The following DYNC1H1 variants were observed in gnomAD, a reference collection of about 807,000 sequenced individuals.
DYNC1H1 encodes cytoplasmic dynein 1 heavy chain 1.
In DYNC1H1, 51 loss-of-function variants were observed where a neutral mutation model predicts 527.1. The observed-to-expected ratio is 0.10, with a 90% CI of 0.08 to 0.12. The LOEUF (loss-of-function observed/expected upper bound fraction) is 0.12, where lower values mean the gene tolerates loss of function less well. Ranked by LOEUF, DYNC1H1 falls within the 10% of genes least tolerant of loss-of-function variation. The pLI, the probability that DYNC1H1 is intolerant of heterozygous loss-of-function variation, is 1.00. For missense variants in DYNC1H1, 2,771 were observed against 5,971.8 expected (o/e 0.46, Z 17.66); for synonymous variants, 2,189 against 2,278.8 (o/e 0.96, Z 1.12).
intron 51 of DYNC1H1, 77 bp from the exon 52 acceptor site, chr14:102,032,195 G>C: frequency 1.3e-6 from 2 of 1,580,332 alleles, no homozygotes; most frequent in Non-Finnish European, 1.7e-6. Context: ...GCTCCTGGCT[G>C]TTTTGGTTCA....
chr14:102,049,875 A>G lies in DYNC1H1; in HGVS notation c.13677A>G (p.Gly4559=). ...QGATLDACSF[G]VTGLKLQGAT... is the part of the protein sequence containing the mutation. Reference sequence around the variant, plus strand: ...CCACCCTTGACGCTTGCAGCTTCGGAGTCACGGGTGAGTGGAGTCTCACAG... The same window carrying G: ...CCACCCTTGACGCTTGCAGCTTCGGGGTCACGGGTGAGTGGAGTCTCACAG... Residue 4559 remains glycine (G), a synonymous_variant, in exon 76 of 78, where the codon GGA becomes GGG. Transcript: ENST00000360184. The surrounding 1 kb of genome is among the most constrained non-coding windows in gnomAD (Gnocchi z 5.5). 6.2e-7 allele frequency: 1 copy of G among 1,612,366 alleles called. No homozygotes were observed. The highest frequency in any genetic ancestry group is 8.5e-7 in the Non-Finnish European group (1 of 1,179,794).
chr14:102,006,220 T>A, intron 27 of DYNC1H1, 50 bp downstream of exon 27: 1 of 1,603,658 alleles, frequency 6.2e-7, no homozygotes, highest in Non-Finnish European at 8.5e-7. Flanking sequence ...TTAAAATGTT[T>A]AAAGATAAAG....
In DYNC1H1 at chr14:102,029,866, G is replaced by A. The variant is rs776290891; in HGVS notation, c.9690G>A (p.Glu3230=). Residue 3230 remains glutamate, a synonymous_variant, in exon 50 of 78, where the codon GAG becomes GAA. Transcript: ENST00000360184. The surrounding 1 kb of genome is among the most constrained non-coding windows in gnomAD (Gnocchi z 5.3). ...RDLRIKSQEL[E]VKNAAANDKL... is the part of the protein sequence containing the mutation. The stretch of plus-strand genomic sequence containing the variant: ...TGAGGATAAAGAGCCAAGAGCTGGA[G>A]GTGAAGAATGCAGCAGCCAATGACA... 1.9e-6 allele frequency: 3 copies of A among 1,614,176 alleles called. No homozygotes were observed. Among genetic ancestry groups the A allele is most frequent in the South Asian group, 2.2e-5 (2 of 91,084 alleles).
Position 101,980,424 on chromosome 14 carries a change from C to T in DYNC1H1, c.835C>T (p.Leu279=). ...TGCCTTACAGGAAATTAGTTTTTGG[C>T]TAAACTTGGAACGTGCGTTATACCG... ...GTALQEISFW[L]NLERALYRIQ... Residue 279 remains leucine, a synonymous_variant, in exon 5 of 78, where the codon CTA becomes TTA. Coordinates refer to ENST00000360184, the MANE Select transcript of DYNC1H1 (RefSeq NM_001376.5). 1 of 1,614,202 alleles carries T rather than the reference C, an allele frequency of 6.2e-7. No individual in the cohort carries two copies. The highest frequency in any genetic ancestry group is 1.3e-5 in the African/African-American group (1 of 75,054).
Position 102,018,391 on chromosome 14 carries a change from C to T in DYNC1H1, c.8178-60C>T. 6.3e-7 allele frequency: 1 copy of T among 1,594,560 alleles called. No homozygotes were observed. Among genetic ancestry groups the T allele is most frequent in the Non-Finnish European group, 8.5e-7 (1 of 1,174,238 alleles). ...TGGACAGGGCGACTCCACTGGCACACTGCCCCTTCCTGGGAGGCGCTGTCA... is the reference window on the plus strand; with the variant it reads ...TGGACAGGGCGACTCCACTGGCACATTGCCCCTTCCTGGGAGGCGCTGTCA... On this transcript the variant is annotated intron_variant, in intron 40 of 77. Coordinates refer to ENST00000360184, the MANE Select transcript of DYNC1H1 (RefSeq NM_001376.5). The surrounding 1 kb of genome is among the most constrained non-coding windows in gnomAD (Gnocchi z 5.2).
chr14:102,008,526 G>A (rs578074253), intron 29 of DYNC1H1, among the ~76,000 whole-genome samples, 189 bp downstream of exon 29: 2 of 152,252 alleles, frequency 1.3e-5, no homozygotes, highest in East Asian at 1.9e-4. Context: ...AGTGGCTCAC[G>A]TGTGTAATCC....
At position 102,016,138 on chromosome 14, in the gene DYNC1H1, G is replaced by A. The variant is rs1406666194; in HGVS notation, c.7473+52G>A. The A allele has an allele frequency of 6.4e-7, 1 of 1,557,550 alleles. No individual in the cohort carries two copies. Among genetic ancestry groups the A allele is most frequent in the Non-Finnish European group, 8.7e-7 (1 of 1,150,280 alleles). On this transcript the variant is annotated intron_variant, in intron 36 of 77. Coordinates refer to ENST00000360184, the MANE Select transcript of DYNC1H1 (RefSeq NM_001376.5). This position sits in a 1 kb window ranked among gnomAD's most constrained non-coding sequence, Gnocchi z 7.3. ...AGCTCACCACTGCGCCAGACCACAG[G>A]TCTGAGGACCTCTGAAATGCTGCAC...
intron 72 of DYNC1H1, among the ~76,000 whole-genome samples, chr14:102,045,721 T>C (rs1397014916): frequency 1.3e-5 from 2 of 152,260 alleles, no homozygotes; most frequent in African/African-American, 4.8e-5. Context: ...TTTTTAGCAG[T>C]CTTTGTTTCC....
At chr14:102,040,754 C>CAA (rs1156761707) in intron 64 of DYNC1H1, 81 bp downstream of exon 64, 4 of 1,517,168 alleles carry the variant, frequency 2.6e-6, no homozygotes, top group Non-Finnish European at 3.7e-6. Context: ...TCAAAAAACA[C>CAA]AAAGTTACTA....
intron 43 of DYNC1H1, among the ~76,000 whole-genome samples, chr14:102,025,179 G>C (rs17541283): frequency 0.038 from 5,825 of 151,818 alleles, 383 homozygotes; most frequent in African/African-American, 0.13. Context: ...CGCCGAGGCA[G>C]GTGGATCACG....
In DYNC1H1 at chr14:101,986,736, A is replaced by G. The variant is rs17512054; in HGVS notation, c.2511A>G (p.Ala837=). 17,986 of 1,614,230 alleles carry G rather than the reference A, an allele frequency of 0.011. 156 individuals carry two copies. Among genetic ancestry groups the G allele is most frequent in the South Asian group, 0.029 (2,619 of 91,088 alleles). Reference sequence around the variant, plus strand: ...TTGACCCATATGTACAGCGCTTAGCAGAGACTGTCTTCAACTTCCAAGAAA... The same window carrying G: ...TTGACCCATATGTACAGCGCTTAGCGGAGACTGTCTTCAACTTCCAAGAAA... ...YKLDPYVQRL[A]ETVFNFQEKV... Residue 837 remains alanine, a synonymous_variant, in exon 8 of 78, where the codon GCA becomes GCG. Transcript: ENST00000360184. The surrounding 1 kb of genome is among the most constrained non-coding windows in gnomAD (Gnocchi z 8.7).
At chr14:101,974,552 G>A (rs2047778383) in intron 1 of DYNC1H1, among the ~76,000 whole-genome samples, 1 of 152,160 alleles carries the variant, frequency 6.6e-6, no homozygotes, top group Non-Finnish European at 1.5e-5. Flanking sequence ...GCATTGCATG[G>A]ATTAGTACTA....
intron 1 of DYNC1H1, among the ~76,000 whole-genome samples, chr14:101,968,994 G>C (rs2047698423): frequency 6.6e-6 from 1 of 152,012 alleles, no homozygotes. Flanking sequence ...TGTACTATTG[G>C]CTTCTGCAAG....
In DYNC1H1 at chr14:102,011,075, C is replaced by T; in HGVS notation, c.6618+123C>T. 9.4e-7 allele frequency: 1 copy of T among 1,062,536 alleles called. No homozygotes were observed. Among genetic ancestry groups the T allele is most frequent in the South Asian group, 1.3e-5 (1 of 76,776 alleles). The allele number at this position is 1,062,536 out of a possible 1,614,324, so 65.8% of individuals were successfully genotyped here. ...AAAGGCTGTGGAGGTGCATAATATG[C>T]TTTATGAAGATTTGCCCAAGGCCTA... On this transcript the variant is annotated intron_variant, in intron 32 of 77. Coordinates refer to ENST00000360184, the MANE Select transcript of DYNC1H1 (RefSeq NM_001376.5). This position sits in a 1 kb window ranked among gnomAD's most constrained non-coding sequence, Gnocchi z 5.3.
In DYNC1H1 at chr14:102,010,710, G is replaced by T. The variant is rs374299392; in HGVS notation, c.6406-30G>T. 6.2e-7 allele frequency: 1 copy of T among 1,611,236 alleles called. No homozygotes were observed. Among genetic ancestry groups the T allele is most frequent in the Non-Finnish European group, 8.5e-7 (1 of 1,179,188 alleles). ...GCGGGCAGTACTTGAGCCATGCTGC[G>T]CTGCTCACAGCCCAGCCCTCTCCCC... is the stretch of plus-strand genomic sequence containing the variant. On this transcript the variant is annotated intron_variant, in intron 31 of 77. Coordinates refer to ENST00000360184, the MANE Select transcript of DYNC1H1 (RefSeq NM_001376.5). This position sits in a 1 kb window ranked among gnomAD's most constrained non-coding sequence, Gnocchi z 6.0.
rs1356769870 is a variant in DYNC1H1 at position 102,015,233 on chromosome 14, G to A, written c.7143G>A (p.Arg2381=). Residue 2381 remains arginine, a synonymous_variant, in exon 35 of 78, where the codon AGG becomes AGA. Transcript: ENST00000360184. The surrounding 1 kb of genome is among the most constrained non-coding windows in gnomAD (Gnocchi z 6.9). ...TGATCTTCAACAACTTCCTGGCCAG[G>A]CTGCGCAGCATCCCGCTGGATGAAG... The part of the protein sequence containing the change: ...TDMIFNNFLA[R]LRSIPLDEGE... 6.2e-7 allele frequency: 1 copy of A among 1,614,256 alleles called. No individual in the cohort carries two copies. Among genetic ancestry groups the A allele is most frequent in the East Asian group, 2.2e-5 (1 of 44,894 alleles).
Position 102,044,750 on chromosome 14 carries a change from C to CA in DYNC1H1, c.13006+53dup, listed in dbSNP as rs1491247205. On this transcript the variant is annotated intron_variant, in intron 72 of 77. Coordinates refer to ENST00000360184, the MANE Select transcript of DYNC1H1 (RefSeq NM_001376.5). This position sits in a 1 kb window ranked among gnomAD's most constrained non-coding sequence, Gnocchi z 7.1. ...GCAGGGTGGGTGGCGAGGGTCCCCT[C>CA]ACGCGGGGTGGGTGGCGAGGGTCCC... 7.2e-7 allele frequency: 1 copy of CA among 1,393,468 alleles called. No homozygotes were observed. The highest frequency in any genetic ancestry group is 9.8e-7 in the Non-Finnish European group (1 of 1,016,832). The allele number at this position is 1,393,468 out of a possible 1,614,324, so 86.3% of individuals were successfully genotyped here. A position where few individuals can be genotyped will look rare whatever the true frequency, so the allele number is the denominator to read the frequency against.
At position 102,043,017 on chromosome 14, in the gene DYNC1H1, C is replaced by T. The variant is rs374177882; in HGVS notation, c.12513+269C>T. 7.6e-3 allele frequency: 3,587 copies of T among 474,954 alleles called. 54 individuals carry two copies. The highest frequency in any genetic ancestry group is 0.03 in the South Asian group (1,513 of 50,422). 29.4% of individuals were successfully genotyped at this position (474,954 alleles called of 1,614,324 possible). A position where few individuals can be genotyped will look rare whatever the true frequency, so the allele number is the denominator to read the frequency against. On this transcript the variant is annotated intron_variant, in intron 69 of 77. Transcript: ENST00000360184. ...TCTGGGCAGGCCAGGAGTGGTGGCT[C>T]ACGCCTGTAATCCCTGCACTTTGGG...
intron 1 of DYNC1H1, among the ~76,000 whole-genome samples, chr14:101,971,219 A>G (rs1333820703): frequency 2.0e-5 from 3 of 146,580 alleles, no homozygotes; most frequent in Admixed American, 1.4e-4. Context: ...CGCCACAGAC[A>G]TGCACCACCA....
Sources: allele counts gnomAD v4.1 joint callset (sites outside exome capture counted in the v4.1 genomes callset), GRCh38; gene constraint gnomAD v4.1.1; non-coding constraint Gnocchi (gnomAD v3.1); transcripts MANE v1.5; gene names NCBI Gene and HGNC (gene_info 2026-07-23, HGNC 2026-07-21).